The following AFF2 variants were observed in gnomAD, a reference collection of about 807,000 sequenced individuals.
AFF2 encodes the protein AF4/FMR2 family member 2.
A neutral mutation model predicts 76.9 loss-of-function variants in AFF2; 14 were observed. The ratio of observed to expected loss-of-function variants is 0.18; its 90% CI spans 0.12 to 0.28. AFF2 has a LOEUF of 0.28. AFF2 is among the 10% of genes least tolerant of loss of function. AFF2 has a pLI of 1.00. For missense variants in AFF2, 868 were observed against 1,001.1 expected (o/e 0.87, Z 1.79); for synonymous variants, 398 against 366.7 (o/e 1.09, Z -0.98).
intron 1 of AFF2, among the ~76,000 whole-genome samples, chrX:148,638,746 C>T (rs60772259): frequency 0.045 from 4,991 of 110,543 alleles, 303 homozygotes; most frequent in African/African-American, 0.16. Context: ...ACAACCAGAT[C>T]TCATGAGAAC....
intron 3 of AFF2, chrX:148,719,008 A>G (rs986443520): frequency 1.6e-5 from 15 of 935,060 alleles, no homozygotes; most frequent in Admixed American, 3.9e-5. Flanking sequence ...AGATGATGTC[A>G]TAATTAGCTT....
At chrX:148,888,590 A>G (rs1028204215) in intron 8 of AFF2, among the ~76,000 whole-genome samples, 1 of 111,930 alleles carries the variant, frequency 8.9e-6, no homozygotes, top group Non-Finnish European at 1.9e-5. Flanking sequence ...CACCAAAATC[A>G]TTTTGTTTTA....
intron 9 of AFF2, among the ~76,000 whole-genome samples, chrX:148,910,650 G>A (rs2071458415): frequency 1.8e-5 from 2 of 112,170 alleles, no homozygotes; most frequent in Admixed American, 1.9e-4. Flanking sequence ...GTATGGCAAG[G>A]GAAAGCAAGG....
chrX:148,826,235 CG>C (rs1264647117), intron 4 of AFF2, among the ~76,000 whole-genome samples: 1 of 58,848 alleles, frequency 1.7e-5, no homozygotes, highest in Non-Finnish European at 3.0e-5. Flanking sequence ...TTGCAAGGGG[CG>C]GGGGGTGGGG....
At chrX:148,788,175 T>A (rs1557269682) in intron 3 of AFF2, among the ~76,000 whole-genome samples, 1 of 111,750 alleles carries the variant, frequency 8.9e-6, no homozygotes, top group Non-Finnish European at 1.9e-5. Context: ...TTAGGCATCA[T>A]GGAAAAATCA....
chrX:148,689,233 A>G (rs782191762), intron 3 of AFF2, among the ~76,000 whole-genome samples: 33 of 111,094 alleles, frequency 3.0e-4, no homozygotes, highest in Non-Finnish European at 5.7e-4. Flanking sequence ...AGATTGTGTT[A>G]GGGCCCACTC....
intron 10 of AFF2, among the ~76,000 whole-genome samples, chrX:148,953,973 GCTGTGTGACTCA>G (rs1425003579): frequency 5.3e-5 from 6 of 112,475 alleles, no homozygotes; most frequent in African/African-American, 1.9e-4. Context: ...TGACTGATTT[GCTGTGTGACTCA>G]CTTAGCTTCT....
chrX:148,593,965 C>G (rs1216317239), intron 1 of AFF2, among the ~76,000 whole-genome samples: 1 of 111,187 alleles, frequency 9.0e-6, no homozygotes, highest in Non-Finnish European at 1.9e-5. Context: ...ATGACCACTA[C>G]CAAAACAATT....
At chrX:148,908,807 A>C (rs142416824) in intron 9 of AFF2, among the ~76,000 whole-genome samples, 32 of 112,467 alleles carry the variant, frequency 2.8e-4, no homozygotes, top group Non-Finnish European at 5.1e-4. Flanking sequence ...GACATGTGAA[A>C]ATTATATGAA....
rs149657877 is a variant in AFF2, at chrX:148,973,405, A to G, written c.3268-66A>G. On this transcript the variant is annotated intron_variant, in intron 15 of 20. Coordinates refer to ENST00000370460, the MANE Select transcript of AFF2 (RefSeq NM_002025.4). ...GGGGCAAAACTACCCCCCAGTTTCA[A>G]ACCACTCTTTTATATGAAGGAGAAA... The G allele has an allele frequency of 3.8e-4, 449 of 1,177,065 alleles. 3 individuals carry two copies. The African/African-American group carries it at 7.1e-3, about 19-fold the overall frequency.
intron 7 of AFF2, among the ~76,000 whole-genome samples, chrX:148,877,095 T>C (rs1569556478): frequency 8.9e-6 from 1 of 112,199 alleles, no homozygotes; most frequent in Admixed American, 9.4e-5. Context: ...GGTATCCTCC[T>C]TTTTGGTGTG....
chrX:148,785,499 C>T (rs782758907), intron 3 of AFF2, among the ~76,000 whole-genome samples: 1 of 111,917 alleles, frequency 8.9e-6, no homozygotes, highest in East Asian at 2.8e-4. Flanking sequence ...TAGTAACAGC[C>T]TTCCTGGCTA....
intron 7 of AFF2, among the ~76,000 whole-genome samples, chrX:148,858,496 T>A (rs2070810523): frequency 8.9e-6 from 1 of 111,751 alleles, no homozygotes. Flanking sequence ...GCATTTACAA[T>A]ATGGTTTGAT....
chrX:148,905,812 A>G (rs180879707), intron 9 of AFF2, among the ~76,000 whole-genome samples: 5 of 112,825 alleles, frequency 4.4e-5, no homozygotes, highest in South Asian at 3.6e-4. Context: ...GCCTAGAAGC[A>G]GGACCTGTTT....
intron 19 of AFF2, among the ~76,000 whole-genome samples, 162 bp from the exon 20 acceptor site, chrX:148,987,205 A>G (rs782802459): frequency 1.8e-5 from 2 of 111,758 alleles, no homozygotes; most frequent in South Asian, 7.7e-4. Flanking sequence ...GGGATGTCAG[A>G]ACAAGCTCCA....
At chrX:148,865,701 G>C (rs1287156947) in intron 7 of AFF2, among the ~76,000 whole-genome samples, 1 of 111,535 alleles carries the variant, frequency 9.0e-6, no homozygotes, top group Non-Finnish European at 1.9e-5. Flanking sequence ...TAGAACATAG[G>C]GTAGGCAAGA....
chrX:148,661,402 A>C (rs1376785563), intron 2 of AFF2, among the ~76,000 whole-genome samples: 1 of 112,137 alleles, frequency 8.9e-6, no homozygotes, highest in East Asian at 2.8e-4. Context: ...TCCTAAACTT[A>C]TTATAGTCAT....
At chrX:148,872,582 T>C (rs997400325) in intron 7 of AFF2, among the ~76,000 whole-genome samples, 2 of 112,286 alleles carry the variant, frequency 1.8e-5, no homozygotes, top group Admixed American at 9.5e-5. Flanking sequence ...GTTAATGATG[T>C]TGAGCATCTT....
At chrX:148,570,614 A>G (rs1375232572) in intron 1 of AFF2, among the ~76,000 whole-genome samples, 2 of 111,384 alleles carry the variant, frequency 1.8e-5, no homozygotes, top group Non-Finnish European at 3.8e-5. Flanking sequence ...GGTGCTTTGT[A>G]TTGGTTTCCT....
Sources: allele counts gnomAD v4.1 joint callset (sites outside exome capture counted in the v4.1 genomes callset), GRCh38; gene constraint gnomAD v4.1.1; transcripts MANE v1.5; gene names NCBI Gene and HGNC (gene_info 2026-07-23, HGNC 2026-07-21).